ZW10: variants seen among roughly 807,000 people sequenced by gnomAD.
ZW10 encodes zw10 kinetochore protein.
Under a neutral mutation model 87.8 loss-of-function variants are expected in ZW10, and 53 were observed. That is an observed-to-expected ratio of 0.60 (90% CI 0.48 to 0.76). The LOEUF is 0.76. Among genes scored for constraint, ZW10 ranks in the 30% least tolerant of loss-of-function variants. ZW10 has a pLI of 0.00. For synonymous variants in ZW10, 312 were observed against 329.2 expected (o/e 0.95, Z 0.57); for missense variants, 837 against 923.0 (o/e 0.91, Z 1.21).
chr11:113,748,227 A>G lies in ZW10; in HGVS notation c.1089+30T>C, dbSNP rs914865822. 5.1e-6 allele frequency: 8 copies of G among 1,577,198 alleles called. No homozygotes were observed. The African/African-American group carries it at 1.1e-4, about 22-fold the overall frequency. On this transcript the variant is annotated intron_variant, in intron 8 of 15. Transcript: ENST00000200135. The stretch of plus-strand genomic sequence containing the variant: ...CAGCAATAAGAAACAACAGTGTCTT[A>G]AAACCTTCTGTGCTGTCTGGGCTCT...
At chr11:113,738,515 G>T in intron 12 of ZW10, 121 bp from the exon 13 acceptor site, 1 of 940,626 alleles carries the variant, frequency 1.1e-6, no homozygotes, top group Non-Finnish European at 1.5e-6. Flanking sequence ...ATAATTGCTA[G>T]ATAATATCAT....
rs1438151731 is a variant in ZW10 at position 113,733,409 on chromosome 11, A to T, written c.*285T>A. ...GTATATAGCTCCCAGAGGGCTCTGG[A>T]AGCAGCATGAAATAATGCTGCCTGA... On this transcript the variant is annotated 3_prime_UTR_variant, in exon 16 of 16. Coordinates refer to ENST00000200135, the MANE Select transcript of ZW10 (RefSeq NM_004724.4). 2 of 373,052 alleles carry T rather than the reference A, an allele frequency of 5.4e-6. No individual in the cohort carries two copies. The highest frequency in any genetic ancestry group is 4.3e-5 in the African/African-American group (2 of 46,806). 23.1% of individuals were successfully genotyped at this position (373,052 alleles called of 1,614,324 possible).
At position 113,757,760 on chromosome 11, in the gene ZW10, C is replaced by T. The variant is rs202061176; in HGVS notation, c.827G>A (p.Arg276His). 19 of 1,613,478 alleles carry T rather than the reference C, an allele frequency of 1.2e-5. No individual in the cohort carries two copies. The highest frequency in any genetic ancestry group is 4.5e-5 in the East Asian group (2 of 44,876). Reference protein sequence around the residue: ...IESQPNIVIIRFESIMTNLEY... With the variant: ...IESQPNIVIIHFESIMTNLEY... ...CAAGTTAGTCATTATAGATTCAAAACGAATAATAACTATGTTAGGCTGGCT... is the reference window on the plus strand; with the variant it reads ...CAAGTTAGTCATTATAGATTCAAAATGAATAATAACTATGTTAGGCTGGCT... The change falls in exon 7 of 16, where the codon CGT becomes CAT. Residue 276 changes from arginine to histidine, a missense_variant. Physicochemically the swap from Arg to His is conservative, Grantham distance 29 (BLOSUM62 0). Transcript: ENST00000200135.
chr11:113,738,074 G>A (rs1953572499), intron 13 of ZW10, among the ~76,000 whole-genome samples, 190 bp downstream of exon 13: 1 of 151,842 alleles, frequency 6.6e-6, no homozygotes, highest in Non-Finnish European at 1.5e-5. Flanking sequence ...GTTTCGTGTT[G>A]TCTTGGTGGG....
intron 9 of ZW10, among the ~76,000 whole-genome samples, chr11:113,745,560 G>A (rs1591412630): frequency 6.6e-6 from 1 of 152,158 alleles, no homozygotes; most frequent in African/African-American, 2.4e-5. Flanking sequence ...TTATGGCTAA[G>A]ATTAGAATGA....
At chr11:113,734,002 C>T (rs1203468648) in intron 15 of ZW10, among the ~76,000 whole-genome samples, 188 bp from the exon 16 acceptor site, 1 of 152,226 alleles carries the variant, frequency 6.6e-6, no homozygotes, top group Admixed American at 6.5e-5. Flanking sequence ...CCCACTACAA[C>T]TGGTTATCAG....
At chr11:113,769,771 A>T (rs1375894840) in intron 1 of ZW10, 2 of 425,380 alleles carry the variant, frequency 4.7e-6, no homozygotes, top group Non-Finnish European at 9.1e-6. Flanking sequence ...ACCACCTATC[A>T]TATTTGCCAT....
chr11:113,752,373 A>G (rs758603394), intron 7 of ZW10, among the ~76,000 whole-genome samples: 6 of 152,032 alleles, frequency 3.9e-5, no homozygotes, highest in Non-Finnish European at 5.9e-5. Context: ...CTAGCCCCCA[A>G]TGTGACTAGA....
chr11:113,768,963 T>C lies in ZW10; in HGVS notation c.110A>G (p.Glu37Gly), dbSNP rs761190453. The C allele has an allele frequency of 6.2e-7, 1 of 1,613,848 alleles. No individual in the cohort carries two copies. The highest frequency in any genetic ancestry group is 8.5e-7 in the Non-Finnish European group (1 of 1,179,832). The change falls in exon 2 of 16, where the codon GAG becomes GGG. Residue 37 changes from glutamate to glycine, a missense_variant. Coordinates refer to ENST00000200135, the MANE Select transcript of ZW10 (RefSeq NM_004724.4). Reference sequence around the variant, plus strand: ...CTTCTTGCTAATCATATTGCACACCTCACCCTAAAATATAAAACAGAATTA... The same window carrying C: ...CTTCTTGCTAATCATATTGCACACCCCACCCTAAAATATAAAACAGAATTA... The part of the protein sequence containing the change: ...LTRRVEEIKG[E>G]VCNMISKKYS...
At chr11:113,770,471 TGA>T (rs1953952377) in intron 1 of ZW10, 2 of 151,868 alleles carry the variant, frequency 1.3e-5, no homozygotes, top group Non-Finnish European at 2.9e-5. Flanking sequence ...GGCTTGCTTA[TGA>T]GATGCATATG....
intron 1 of ZW10, among the ~76,000 whole-genome samples, chr11:113,773,027 GT>G (rs71063524): frequency 4.8e-4 from 71 of 146,956 alleles, no homozygotes; most frequent in African/African-American, 1.5e-3. Flanking sequence ...GTTTGGGTTT[GT>G]TTTTTTTTTA....
intron 2 of ZW10, 36 bp from the exon 3 acceptor site, chr11:113,760,954 A>G: frequency 6.5e-7 from 1 of 1,532,916 alleles, no homozygotes; most frequent in Non-Finnish European, 8.9e-7. Context: ...CTTTTAAGCT[A>G]TACCATACCT....
intron 2 of ZW10, among the ~76,000 whole-genome samples, chr11:113,768,128 A>G (rs973223504): frequency 9.2e-5 from 14 of 152,248 alleles, no homozygotes; most frequent in Non-Finnish European, 2.1e-4. Flanking sequence ...TGCAGAATAA[A>G]TATACCAAAT....
intron 10 of ZW10, among the ~76,000 whole-genome samples, chr11:113,743,589 A>T (rs1338070885): frequency 2.0e-5 from 3 of 152,232 alleles, no homozygotes; most frequent in Admixed American, 6.5e-5. Context: ...CACCTTGCTC[A>T]AACATCTATG....
chr11:113,735,953 A>G (rs899120439), intron 15 of ZW10, among the ~76,000 whole-genome samples: 1 of 152,192 alleles, frequency 6.6e-6, no homozygotes, highest in Admixed American at 6.5e-5. Flanking sequence ...CTCTGTTAAT[A>G]TATCAAAGTA....
At chr11:113,763,069 A>G (rs1953878712) in intron 2 of ZW10, among the ~76,000 whole-genome samples, 1 of 151,864 alleles carries the variant, frequency 6.6e-6, no homozygotes, top group Non-Finnish European at 1.5e-5. Context: ...CTTTGTGTCC[A>G]TGCGTTCTCA....
rs756372155 is a variant in ZW10, at chr11:113,744,012, G to A, written c.1301C>T (p.Pro434Leu). The A allele has an allele frequency of 6.2e-7, 1 of 1,613,264 alleles. No individual in the cohort carries two copies. Among genetic ancestry groups the A allele is most frequent in the South Asian group, 1.1e-5 (1 of 90,978 alleles). ...KIIPDSKINV[P>L]ELPTPDEDNK... is the part of the protein sequence containing the mutation. ...ATCCTCATCAGGAGTGGGTAACTCT[G>A]GCACATTTATCTTAGAATCAGGAAT... Residue 434 changes from proline (P) to leucine (L), a missense_variant, in exon 10 of 16, where the codon CCA becomes CTA. Physicochemically the swap from Pro to Leu is moderately conservative, Grantham distance 98. Coordinates refer to ENST00000200135, the MANE Select transcript of ZW10 (RefSeq NM_004724.4).
intron 1 of ZW10, chr11:113,769,692 G>C (rs1198480529): frequency 2.8e-6 from 1 of 358,036 alleles, no homozygotes; most frequent in Non-Finnish European, 5.5e-6. Flanking sequence ...TCACGTTTGA[G>C]TTGGTGGGAG....
chr11:113,748,379 T>C lies in ZW10; in HGVS notation c.967A>G (p.Thr323Ala). 2 of 1,609,416 alleles carry C rather than the reference T, an allele frequency of 1.2e-6. No individual in the cohort carries two copies. The change falls in exon 8 of 16, where the codon ACT becomes GCT. Residue 323 changes from threonine (T) to alanine (A), a missense_variant. Thr to Ala is a moderately conservative substitution (Grantham distance 58, BLOSUM62 0). Coordinates refer to ENST00000200135, the MANE Select transcript of ZW10 (RefSeq NM_004724.4). Reference protein sequence around the residue: ...DTDLENEKTSTVPLAEMLGDM... With the variant: ...DTDLENEKTSAVPLAEMLGDM... ...CCAAGCATCTCAGCCAATGGGACAG[T>C]AGATGTTTTTTCATTTTCCAGGTCA...
Sources: allele counts gnomAD v4.1 joint callset (sites outside exome capture counted in the v4.1 genomes callset), GRCh38; gene constraint gnomAD v4.1.1; transcripts MANE v1.5; gene names NCBI Gene and HGNC (gene_info 2026-07-23, HGNC 2026-07-21).